AMPD1: variants seen among roughly 807,000 people sequenced by gnomAD.
The protein encoded by AMPD1 is adenosine monophosphate deaminase 1, also known as AMP deaminase 1.
In AMPD1, 74 loss-of-function variants were observed where a neutral mutation model predicts 82.9. The ratio of observed to expected loss-of-function variants is 0.89; its 90% confidence interval spans 0.74 to 1.08. AMPD1 has a LOEUF of 1.08. AMPD1 is among the 50% of genes least tolerant of loss of function. The pLI is 0.00. For missense variants in AMPD1, 881 were observed against 924.5 expected, an observed-to-expected ratio of 0.95 and a Z score of 0.61; for synonymous variants, 333 against 320.5, an observed-to-expected ratio of 1.04 and a Z score of -0.42.
At chr1:114,688,529 A>G (rs765856730) in intron 3 of AMPD1, 32 bp downstream of exon 3, 1 of 1,612,136 alleles carries the variant, frequency 6.2e-7, no homozygotes, top group Non-Finnish European at 8.5e-7. Flanking sequence ...CTTAGGTGCC[A>G]ATATACTAAG....
chr1:114,675,817 G>T lies in AMPD1; in HGVS notation c.1515+60C>A. 1.9e-6 allele frequency: 3 copies of T among 1,613,624 alleles called. No homozygotes were observed. The South Asian group carries it at 3.3e-5, about 18-fold the overall frequency. On this transcript the variant is annotated intron_variant, in intron 11 of 15. Transcript: ENST00000520113. The stretch of plus-strand genomic sequence containing the variant: ...GAGATAAGCACCAAGAATTAGTCAT[G>T]ACCAGGTAGGAAGGCTGGTTCATGA...
At chr1:114,688,433 A>C in intron 3 of AMPD1, 128 bp downstream of exon 3, 1 of 1,118,064 alleles carries the variant, frequency 8.9e-7, no homozygotes, top group Non-Finnish European at 1.3e-6. Flanking sequence ...CAGTCTTAGG[A>C]ATTGCTAACT....
chr1:114,685,892 A>G lies in AMPD1; in HGVS notation c.381+853T>C, dbSNP rs541258407. ...ATGAGGTGCATTTAATTGCCTTGTCACTTTTAAGTATCTTAGGACTGACCC... is the reference window on the plus strand; with the variant it reads ...ATGAGGTGCATTTAATTGCCTTGTCGCTTTTAAGTATCTTAGGACTGACCC... On this transcript the variant is annotated intron_variant, in intron 4 of 15. Transcript: ENST00000520113. 1.9e-4 allele frequency among the ~76,000 whole-genome samples: 29 copies of G among 152,276 alleles called. 1 individual carries two copies. The highest frequency in any genetic ancestry group is 6.8e-3 in the Middle Eastern group (2 of 294).
At chr1:114,687,783 T>C (rs1270844056) in intron 3 of AMPD1, among the ~76,000 whole-genome samples, 1 of 152,062 alleles carries the variant, frequency 6.6e-6, no homozygotes, top group Non-Finnish European at 1.5e-5. Context: ...GAGGGCAGAA[T>C]TGGAGAGCAG....
chr1:114,675,270 T>C (rs1657946903), intron 12 of AMPD1, among the ~76,000 whole-genome samples: 1 of 152,176 alleles, frequency 6.6e-6, no homozygotes, highest in Admixed American at 6.5e-5. Context: ...AGTTTTATCA[T>C]TAATTGCACA....
chr1:114,686,687 A>G, intron 4 of AMPD1, 58 bp downstream of exon 4: 2 of 1,582,596 alleles, frequency 1.3e-6, no homozygotes, highest in Non-Finnish European at 1.7e-6. Context: ...AAGGAGCTAG[A>G]ACTGTCAAGC....
At chr1:114,674,582 G>T (rs759546049) in intron 13 of AMPD1, among the ~76,000 whole-genome samples, 170 bp downstream of exon 13, 8 of 152,184 alleles carry the variant, frequency 5.3e-5, no homozygotes, top group Non-Finnish European at 8.8e-5. Context: ...TCTTGAGCAA[G>T]TCCCTTTACT....
Position 114,677,498 on chromosome 1 carries a change from A to C in AMPD1, c.1241T>G (p.Leu414Arg), listed in dbSNP as rs1193495108. The C allele has an allele frequency of 4.3e-6, 7 of 1,613,532 alleles. No homozygotes were observed. The highest frequency in any genetic ancestry group is 5.9e-6 in the Non-Finnish European group (7 of 1,179,964). ...ATIIKEVGAD[L>R]VEAKYQHAEP... The stretch of plus-strand genomic sequence containing the variant: ...AGCATGCTGGTACTTGGCCTCCACC[A>C]GGTCCGCACCTACCTCCTGCAAAGC... The change falls in exon 10 of 16, where the codon CTG becomes CGG. Residue 414 changes from leucine (L) to arginine (R), a missense_variant. Leu to Arg is a moderately radical substitution (Grantham distance 102, BLOSUM62 -2). Coordinates refer to ENST00000520113, the MANE Select transcript of AMPD1 (RefSeq NM_000036.3).
At position 114,674,008 on chromosome 1, in the gene AMPD1, T is replaced by C; in HGVS notation, c.1875A>G (p.Leu625=). 6.2e-7 allele frequency: 1 copy of C among 1,613,936 alleles called. No homozygotes were observed. Among genetic ancestry groups the C allele is most frequent in the South Asian group, 1.1e-5 (1 of 91,074 alleles). Residue 625 remains leucine, a synonymous_variant, in exon 14 of 16, where the codon CTA becomes CTG. Coordinates refer to ENST00000520113, the MANE Select transcript of AMPD1 (RefSeq NM_000036.3). ...AAGGATTTTTGGCATACTCTAGAAA[T>C]AGGCTATTGTTACTTAGTGGTGACA... ...IAMSPLSNNS[L]FLEYAKNPFL... is the part of the protein sequence containing the mutation.
At chr1:114,675,283 G>T (rs1657947424) in intron 12 of AMPD1, among the ~76,000 whole-genome samples, 2 of 151,980 alleles carry the variant, frequency 1.3e-5, no homozygotes, top group Non-Finnish European at 2.9e-5. Context: ...ATTGCACAAT[G>T]ATTAGTATAA....
chr1:114,682,790 A>G lies in AMPD1; in HGVS notation c.547+1409T>C, dbSNP rs188455661. ...AGACGGGGTTTCACCGTGTTAGCCA[A>G]GATGGTCTCGATCTCCTGACCTCGT... On this transcript the variant is annotated intron_variant, in intron 5 of 15. Transcript: ENST00000520113. Among the ~76,000 whole-genome samples, 1,365 of 152,106 alleles carry G rather than the reference A, an allele frequency of 9.0e-3. 10 individuals are homozygous for G. The highest frequency in any genetic ancestry group is 0.021 in the Middle Eastern group (6 of 292).
In AMPD1 at chr1:114,678,506, C is replaced by G; in HGVS notation, c.919G>C (p.Ala307Pro). Residue 307 changes from alanine (A) to proline (P), a missense_variant, in exon 8 of 16, where the codon GCC becomes CCC. By Grantham distance (27) the Ala-to-Pro change is conservative. This residue lies in a region of AMPD1 where 783 missense variants were observed against 786.4 expected (regional missense o/e 1.00). Transcript: ENST00000520113. ...CRKVDTHIHA[A>P]ACMNQKHLLR... Reference sequence around the variant, plus strand: ...AGATGTTTCTGGTTCATGCAAGCGGCTGCATGGATATGGGTGTCCACCTGT... The same window carrying G: ...AGATGTTTCTGGTTCATGCAAGCGGGTGCATGGATATGGGTGTCCACCTGT... The G allele has an allele frequency of 6.2e-7, 1 of 1,614,054 alleles. No individual in the cohort carries two copies. The highest frequency in any genetic ancestry group is 8.5e-7 in the Non-Finnish European group (1 of 1,179,954).
In AMPD1 at chr1:114,693,442, C is replaced by G. The variant is rs1208930075; in HGVS notation, c.28G>C (p.Glu10Gln). Residue 10 changes from glutamate (E) to glutamine (Q), a missense_variant, in exon 2 of 16, where the codon GAG becomes CAG. Glu to Gln is a conservative substitution (Grantham distance 29). Around this residue, in one of 2 missense-constraint regions of AMPD1, gnomAD observed 783 missense variants for 786.4 expected, o/e 1.00. Transcript: ENST00000520113. MPLFKLPAE[E>Q]KQIDDAMRNF... ...AAAGTAATGCAATACTCACGTTTCT[C>G]TTCAGCTGTATGAAGTAAAATAAAA... 1 of 1,609,480 alleles carries G rather than the reference C, an allele frequency of 6.2e-7. No individual in the cohort carries two copies. The highest frequency in any genetic ancestry group is 8.5e-7 in the Non-Finnish European group (1 of 1,176,160).
At position 114,688,735 on chromosome 1, in the gene AMPD1, T is replaced by C. The variant is rs1433821162; in HGVS notation, c.41A>G (p.Asp14Gly). 5.0e-6 allele frequency: 8 copies of C among 1,614,210 alleles called. No individual in the cohort carries two copies. The South Asian group carries it at 8.8e-5, about 18-fold the overall frequency. Residue 14 changes from aspartate to glycine, a missense_variant, in exon 3 of 16, where the codon GAT (aspartate) becomes GGT (glycine). By Grantham distance (94) the Asp-to-Gly change is moderately conservative. Transcript: ENST00000520113. ...FKLPAEEKQI[D>G]DAMRNFAEKV... is the part of the protein sequence containing the mutation. ...TTCAGCAAAGTTGCGCATTGCATCA[T>C]CAATTTCTAAAAGAGGTTTTCACAT...
Position 114,673,980 on chromosome 1 carries a change from A to G in AMPD1, c.1903T>C (p.Leu635=). The change falls in exon 14 of 16, where the codon TTG becomes CTG. Residue 635 remains leucine, a synonymous_variant. Coordinates refer to ENST00000520113, the MANE Select transcript of AMPD1 (RefSeq NM_000036.3). The stretch of plus-strand genomic sequence containing the variant: ...ATTAGCCCTTTCTGAAGGAAATCCA[A>G]AAAAGGATTTTTGGCATACTCTAGA... ...LFLEYAKNPF[L]DFLQKGLMIS... is the part of the protein sequence containing the mutation. 4 of 1,614,118 alleles carry G rather than the reference A, an allele frequency of 2.5e-6. No individual in the cohort carries two copies. Among genetic ancestry groups the G allele is most frequent in the Non-Finnish European group, 3.4e-6 (4 of 1,179,968 alleles).
chr1:114,676,403 T>C (rs1347064452), intron 10 of AMPD1: 1 of 268,270 alleles, frequency 3.7e-6, no homozygotes, highest in Non-Finnish European at 7.2e-6. Context: ...TGATATAGCA[T>C]TTAATATATT....
At chr1:114,676,721 A>T (rs549466365) in intron 10 of AMPD1, among the ~76,000 whole-genome samples, 38 of 152,290 alleles carry the variant, frequency 2.5e-4, no homozygotes, top group African/African-American at 8.9e-4. Context: ...ACAGGATGAA[A>T]CTCTTGCATT....
Position 114,675,958 on chromosome 1 carries a change from C to A in AMPD1, c.1434G>T (p.Met478Ile). The change falls in exon 11 of 16, where the codon ATG becomes ATT. Residue 478 changes from methionine (M) to isoleucine (I), a missense_variant. Around this residue, in one of 2 missense-constraint regions of AMPD1, gnomAD observed 783 missense variants for 786.4 expected, o/e 1.00. Transcript: ENST00000520113. ...ACACTGGCATGAAAATATTCTCCAGCATTTTTCCAAAATGTGGAAGGAAAT... is the reference window on the plus strand; with the variant it reads ...ACACTGGCATGAAAATATTCTCCAGAATTTTTCCAAAATGTGGAAGGAAAT... ...SKNFLPHFGK[M>I]LENIFMPVFE... 1 of 1,614,046 alleles carries A rather than the reference C, an allele frequency of 6.2e-7. No individual in the cohort carries two copies. Among genetic ancestry groups the A allele is most frequent in the Non-Finnish European group, 8.5e-7 (1 of 1,180,000 alleles).
chr1:114,673,609 AGAAGGGAAGCCATTT>A lies in AMPD1; in HGVS notation c.2085+15_2085+29del. 6.4e-7 allele frequency: 1 copy of A among 1,553,388 alleles called. No individual in the cohort carries two copies. The highest frequency in any genetic ancestry group is 8.9e-7 in the Non-Finnish European group (1 of 1,124,860). On this transcript the variant is annotated intron_variant, in intron 15 of 15. Transcript: ENST00000520113. ...ATTCAAGTTAGCAGACCCTATACTCAGAAGGGAAGCCATTTGAAGACAGGTCTACCTCATGAGAAA... is the reference window on the plus strand; with the variant it reads ...ATTCAAGTTAGCAGACCCTATACTCAGAAGACAGGTCTACCTCATGAGAAA...
Sources: gnomAD v4.1 joint callset for allele counts (sites outside exome capture counted in the v4.1 genomes callset) on GRCh38, gnomAD v4.1.1 for gene constraint, gnomAD v4.1.1 regional missense constraint, MANE v1.5 for transcripts, NCBI Gene and HGNC (gene_info 2026-07-23, HGNC 2026-07-21) for gene names.